SERINC5: variants seen among roughly 807,000 people sequenced by gnomAD.
SERINC5 encodes chromosome 5 open reading frame 12.
SERINC5 carries 41 observed loss-of-function variants against 63.1 expected under a neutral mutation model. The ratio of observed to expected loss-of-function variants is 0.65; its 90% confidence interval spans 0.51 to 0.84. The LOEUF is 0.84. SERINC5 is among the 40% of genes least tolerant of loss of function. SERINC5 has a pLI of 0.00. For synonymous variants in SERINC5, 222 were observed against 215.2 expected, an observed-to-expected ratio of 1.03 and a Z score of -0.28; for missense variants, 523 against 573.0, an observed-to-expected ratio of 0.91 and a Z score of 0.89.
intron 6 of SERINC5, among the ~76,000 whole-genome samples, chr5:80,168,479 G>C (rs1353796632): frequency 6.6e-6 from 1 of 152,144 alleles, no homozygotes; most frequent in Non-Finnish European, 1.5e-5. Flanking sequence ...GGGATTACAG[G>C]CATGAACAAC....
In SERINC5 at chr5:80,141,214, G is replaced by GC; in HGVS notation, c.*2448dup. On this transcript the variant is annotated 3_prime_UTR_variant, in exon 12 of 12. Transcript: ENST00000507668. ...TTTTCAGCTGAGAATAAAATTCAGA[G>GC]CAACTGTAACTCTTCCTCTTGCATC... 1.0e-6 allele frequency: 1 copy of GC among 985,416 alleles called. No individual in the cohort carries two copies. The highest frequency in any genetic ancestry group is 1.2e-6 in the Non-Finnish European group (1 of 829,940). The allele number at this position is 985,416 out of a possible 1,614,324, so 61.0% of individuals were successfully genotyped here. A position where few individuals can be genotyped will look rare whatever the true frequency, so the allele number is the denominator to read the frequency against.
intron 7 of SERINC5, among the ~76,000 whole-genome samples, chr5:80,163,925 GCA>G (rs1417805331): frequency 6.6e-6 from 1 of 151,940 alleles, no homozygotes; most frequent in Non-Finnish European, 1.5e-5. Context: ...CCATTTTTTG[GCA>G]CAATTTCAGG....
At chr5:80,225,740 C>G (rs778966265) in intron 1 of SERINC5, among the ~76,000 whole-genome samples, 3 of 152,082 alleles carry the variant, frequency 2.0e-5, no homozygotes, top group Admixed American at 2.0e-4. Flanking sequence ...CACATGCACA[C>G]GAGTGTGTAC....
In SERINC5 at chr5:80,152,550, G is replaced by T. The variant is rs188704845; in HGVS notation, c.987-1602C>A. ...TGCATACAAGTTTTGATTTAGTACA[G>T]TGTATAGTTTTCACAGGGGAAAAGA... On this transcript the variant is annotated intron_variant, in intron 8 of 11. Coordinates refer to ENST00000507668, the MANE Select transcript of SERINC5 (RefSeq NM_001174072.3). 4.3e-3 allele frequency among the ~76,000 whole-genome samples: 653 copies of T among 151,962 alleles called. 1 individual carries two copies. Among genetic ancestry groups the T allele is most frequent in the South Asian group, 0.034 (163 of 4,800 alleles).
At chr5:80,168,106 TG>T (rs1479732868) in intron 6 of SERINC5, among the ~76,000 whole-genome samples, 1 of 152,184 alleles carries the variant, frequency 6.6e-6, no homozygotes, top group African/African-American at 2.4e-5. Context: ...AACTCTTAAC[TG>T]ATCAATTAAA....
intron 2 of SERINC5, among the ~76,000 whole-genome samples, chr5:80,180,394 AAAG>A (rs2112425644): frequency 6.6e-6 from 1 of 152,340 alleles, no homozygotes; most frequent in Admixed American, 6.5e-5. Flanking sequence ...AAAGTGTGAT[AAAG>A]AAGATAATTT....
At chr5:80,239,286 A>AAG (rs746433577) in intron 1 of SERINC5, among the ~76,000 whole-genome samples, 47 of 152,096 alleles carry the variant, frequency 3.1e-4, no homozygotes, top group Non-Finnish European at 6.2e-4. Flanking sequence ...CTGCCAACCA[A>AAG]AGACTTCCCA....
chr5:80,144,572 TC>T (rs898519823), intron 11 of SERINC5, among the ~76,000 whole-genome samples: 1 of 152,176 alleles, frequency 6.6e-6, no homozygotes, highest in African/African-American at 2.4e-5. Context: ...AGCCAAAAAT[TC>T]CCAGGAGTTC....
Position 80,166,450 on chromosome 5 carries a change from T to G in SERINC5, c.792A>C (p.Ser264=), listed in dbSNP as rs553047365. The change falls in exon 7 of 12, where the codon TCA becomes TCC. Residue 264 remains serine, a synonymous_variant. Coordinates refer to ENST00000507668, the MANE Select transcript of SERINC5 (RefSeq NM_001174072.3). ...NRQPHSGLLQ[S]GVISCYVTYL... ...AGGTGACATAGCAGCTTATGACCCC[T>G]GATTGTAAGAGCCCCGAGTGTGGCT... is the stretch of plus-strand genomic sequence containing the variant. 9.2e-5 allele frequency: 147 copies of G among 1,594,998 alleles called. 1 individual carries two copies. In the East Asian group the frequency reaches 3.2e-3, roughly 34 times the overall value.
intron 1 of SERINC5, among the ~76,000 whole-genome samples, chr5:80,232,670 A>C (rs1423699269): frequency 2.6e-5 from 4 of 151,846 alleles, no homozygotes; most frequent in Non-Finnish European, 5.9e-5. Context: ...TATATTCCCA[A>C]ATACTGAGGA....
chr5:80,161,036 G>GCA (rs772029796), intron 7 of SERINC5, among the ~76,000 whole-genome samples: 1 of 124,836 alleles, frequency 8.0e-6, no homozygotes, highest in Non-Finnish European at 1.6e-5. Flanking sequence ...ATACACACGT[G>GCA]TATATATATA....
rs1745611078 is a variant in SERINC5 at position 80,143,140 on chromosome 5, G to A, written c.*523C>T. 1 of 985,440 alleles carries A rather than the reference G, an allele frequency of 1.0e-6. No individual in the cohort carries two copies. Among genetic ancestry groups the A allele is most frequent in the Non-Finnish European group, 1.2e-6 (1 of 830,118 alleles). The allele number at this position is 985,440 out of a possible 1,614,324, so 61.0% of individuals were successfully genotyped here. On this transcript the variant is annotated 3_prime_UTR_variant, in exon 12 of 12. Transcript: ENST00000507668. ...CACTGAGGGTGCAGTTGAAAAGCAG[G>A]TGCCTCCTCTTGGACCCTATAAATA...
chr5:80,199,934 A>T (rs1749725521), intron 2 of SERINC5, among the ~76,000 whole-genome samples: 1 of 152,248 alleles, frequency 6.6e-6, no homozygotes, highest in African/African-American at 2.4e-5. Context: ...ATTACTTAAA[A>T]AAACACAAGT....
At position 80,177,545 on chromosome 5, in the gene SERINC5, TG is replaced by T. The variant is rs1748117411; in HGVS notation, c.375-149del. On this transcript the variant is annotated intron_variant, in intron 3 of 11. Transcript: ENST00000507668. ...ATCAAGGGGAAGTAACTAGGTGACT[TG>T]AAGAATGCTTTTTCCCATAATTAGG... 2.2e-5 allele frequency: 15 copies of T among 686,868 alleles called. No homozygotes were observed. The South Asian group carries it at 2.7e-4, about 12-fold the overall frequency. The allele number at this position is 686,868 out of a possible 1,614,324, so 42.5% of individuals were successfully genotyped here.
intron 1 of SERINC5, among the ~76,000 whole-genome samples, chr5:80,252,586 T>C (rs1409688909): frequency 1.3e-5 from 2 of 152,116 alleles, no homozygotes; most frequent in Admixed American, 6.6e-5. Flanking sequence ...TCAGAGTAGA[T>C]ACAAAAATAA....
rs570875922 is a variant in SERINC5 at position 80,164,340 on chromosome 5, G to C, written c.859+2043C>G. 3.5e-4 allele frequency among the ~76,000 whole-genome samples: 53 copies of C among 150,714 alleles called. 1 individual carries two copies. The highest frequency in any genetic ancestry group is 1.3e-3 in the South Asian group (6 of 4,728). ...TGTATTGTTCTCATGGGTTTTTTTG[G>C]GGGGGAGGGGGGTCTTTATTTTATT... On this transcript the variant is annotated intron_variant, in intron 7 of 11. Coordinates refer to ENST00000507668, the MANE Select transcript of SERINC5 (RefSeq NM_001174072.3).
At chr5:80,251,661 C>T (rs1452885655) in intron 1 of SERINC5, among the ~76,000 whole-genome samples, 3 of 147,760 alleles carry the variant, frequency 2.0e-5, no homozygotes, top group Non-Finnish European at 3.0e-5. Flanking sequence ...ACCCGGGAGG[C>T]GGAGGTTGCA....
chr5:80,121,977 G>A (rs1193106009), intron 11 of SERINC5, among the ~76,000 whole-genome samples: 1 of 151,970 alleles, frequency 6.6e-6, no homozygotes, highest in East Asian at 1.9e-4. Flanking sequence ...ATTTCAACCT[G>A]AGATTTGGAG....
chr5:80,159,036 G>C (rs1440495181), intron 7 of SERINC5, 74 bp from the exon 8 acceptor site: 1 of 1,502,008 alleles, frequency 6.7e-7, no homozygotes, highest in East Asian at 2.3e-5. Context: ...ACTCATTTTG[G>C]GAAAATTCAG....
Sources: gnomAD v4.1 joint callset for allele counts (sites outside exome capture counted in the v4.1 genomes callset) on GRCh38, gnomAD v4.1.1 for gene constraint, MANE v1.5 for transcripts, NCBI Gene and HGNC (gene_info 2026-07-23, HGNC 2026-07-21) for gene names.